The following FMN2 variants were observed in gnomAD, a reference collection of about 807,000 sequenced individuals.
The protein encoded by FMN2 is formin-2.
Under a neutral mutation model 142.3 loss-of-function variants are expected in FMN2, and 51 were observed. That is an observed-to-expected ratio of 0.36 (90% CI 0.29 to 0.45). The LOEUF (loss-of-function observed/expected upper bound fraction) is 0.45, where lower values mean the gene tolerates loss of function less well. Among genes scored for constraint, FMN2 ranks in the 20% least tolerant of loss-of-function variants. The probability of loss-of-function intolerance (pLI) is 1.00; values close to 1 mark genes in which losing one functional copy is unlikely to be tolerated. For synonymous variants in FMN2, 882 were observed against 869.8 expected, an observed-to-expected ratio of 1.01 and a Z score of -0.25; for missense variants, 1,936 against 2,122.8, an observed-to-expected ratio of 0.91 and a Z score of 1.73.
intron 6 of FMN2, among the ~76,000 whole-genome samples, chr1:240,225,424 AG>A (rs1345100987): frequency 7.9e-5 from 12 of 152,236 alleles, no homozygotes; most frequent in Non-Finnish European, 1.8e-4. Context: ...GGTGACCCAT[AG>A]GTAGCCAGGC....
chr1:240,350,436 C>T (rs909601966), intron 13 of FMN2, among the ~76,000 whole-genome samples: 1 of 152,200 alleles, frequency 6.6e-6, no homozygotes, highest in Admixed American at 6.5e-5. Context: ...ATTTCAGACA[C>T]TTGACACACA....
intron 15 of FMN2, among the ~76,000 whole-genome samples, chr1:240,406,840 A>G (rs1272610188): frequency 6.6e-6 from 1 of 152,194 alleles, no homozygotes; most frequent in Admixed American, 6.5e-5. Context: ...ATGGAACATT[A>G]ACTTTTTGGG....
chr1:240,446,187 G>T (rs1465997721), intron 16 of FMN2, among the ~76,000 whole-genome samples: 3 of 152,192 alleles, frequency 2.0e-5, no homozygotes, highest in Non-Finnish European at 2.9e-5. Flanking sequence ...GTGAAGATTA[G>T]CTGGGAAAGG....
At position 240,210,621 on chromosome 1, in the gene FMN2, C is replaced by A. The variant is rs1666653971; in HGVS notation, c.3921-470C>A. On this transcript the variant is annotated intron_variant, in intron 5 of 17. Coordinates refer to ENST00000319653, the MANE Select transcript of FMN2 (RefSeq NM_020066.5). ...ATGTGTTTACCCTTTTTAGGTGGTACTACACGAATCTGCAGTCACTGAGAA... is the reference window on the plus strand; with the variant it reads ...ATGTGTTTACCCTTTTTAGGTGGTAATACACGAATCTGCAGTCACTGAGAA... 2.0e-5 allele frequency among the ~76,000 whole-genome samples: 3 copies of A among 152,070 alleles called. No individual in the cohort carries two copies. In the South Asian group the frequency reaches 6.2e-4, roughly 32 times the overall value.
At chr1:240,209,604 C>G (rs115182409) in intron 5 of FMN2, among the ~76,000 whole-genome samples, 70 of 150,796 alleles carry the variant, frequency 4.6e-4, no homozygotes, top group African/African-American at 1.7e-3. Context: ...TTAGTGCACA[C>G]TTTAAAATGC....
intron 6 of FMN2, among the ~76,000 whole-genome samples, chr1:240,216,554 A>C (rs1356741880): frequency 6.6e-6 from 1 of 152,340 alleles, no homozygotes; most frequent in African/African-American, 2.4e-5. Context: ...AAATCTGATC[A>C]GAAAAAAAAT....
At chr1:240,209,171 A>G (rs1285645524) in intron 5 of FMN2, among the ~76,000 whole-genome samples, 1 of 152,168 alleles carries the variant, frequency 6.6e-6, no homozygotes, top group Non-Finnish European at 1.5e-5. Context: ...CCATGTAAGA[A>G]TCTACTCTTT....
chr1:240,427,589 A>G (rs1675002930), intron 15 of FMN2, among the ~76,000 whole-genome samples: 1 of 152,142 alleles, frequency 6.6e-6, no homozygotes, highest in Admixed American at 6.5e-5. Flanking sequence ...TATCTCTTAC[A>G]TTTTCACAAT....
intron 6 of FMN2, among the ~76,000 whole-genome samples, chr1:240,221,574 T>G (rs546223856): frequency 1.3e-5 from 2 of 151,818 alleles, no homozygotes; most frequent in East Asian, 1.9e-4. Flanking sequence ...TGTTTGTTTG[T>G]TTTTTTTCTT....
At chr1:240,235,620 T>C (rs906827221) in intron 6 of FMN2, among the ~76,000 whole-genome samples, 2 of 152,074 alleles carry the variant, frequency 1.3e-5, no homozygotes, top group African/African-American at 2.4e-5. Context: ...GGGTTCTCAC[T>C]ATGTTGCCCA....
intron 7 of FMN2, among the ~76,000 whole-genome samples, chr1:240,291,325 A>G (rs1399452968): frequency 6.9e-6 from 1 of 144,324 alleles, no homozygotes; most frequent in Non-Finnish European, 1.5e-5. Context: ...ATTGATTTAT[A>G]TATATTTTTG....
chr1:240,388,384 A>G (rs1019312748), intron 14 of FMN2, among the ~76,000 whole-genome samples: 4 of 152,116 alleles, frequency 2.6e-5, no homozygotes, highest in Non-Finnish European at 2.9e-5. Flanking sequence ...TTACAATTCA[A>G]ACCCAGGTTT....
At chr1:240,167,536 A>G (rs935238503) in intron 2 of FMN2, among the ~76,000 whole-genome samples, 1 of 152,144 alleles carries the variant, frequency 6.6e-6, no homozygotes, top group African/African-American at 2.4e-5. Flanking sequence ...GTCATTTTAC[A>G]TTTGTCATTT....
chr1:240,438,710 C>T (rs549772049), intron 16 of FMN2, among the ~76,000 whole-genome samples: 1 of 152,162 alleles, frequency 6.6e-6, no homozygotes, highest in East Asian at 1.9e-4. Flanking sequence ...TATGTGATAC[C>T]TTCTAAAATA....
intron 7 of FMN2, among the ~76,000 whole-genome samples, chr1:240,288,918 A>T (rs1669683803): frequency 6.6e-6 from 1 of 152,112 alleles, no homozygotes; most frequent in African/African-American, 2.4e-5. Context: ...GAGCCTTCAG[A>T]TGAGACCGTA....
chr1:240,262,116 A>G (rs1668654113), intron 7 of FMN2, among the ~76,000 whole-genome samples: 1 of 151,728 alleles, frequency 6.6e-6, no homozygotes, highest in Non-Finnish European at 1.5e-5. Context: ...TCTAGGGTAC[A>G]TGTGCACAAC....
chr1:240,092,628 A>G lies in FMN2; in HGVS notation c.519A>G (p.Gln173=). 6.2e-7 allele frequency: 1 copy of G among 1,614,038 alleles called. No homozygotes were observed. Among genetic ancestry groups the G allele is most frequent in the African/African-American group, 1.3e-5 (1 of 75,028 alleles). ...VETAAGAQDG[Q]RTSSGSDTDI... ...CTGCAGCAGGGGCGCAGGATGGACAAAGGACCAGCTCGGGCTCGGACACGG... is the reference window on the plus strand; with the variant it reads ...CTGCAGCAGGGGCGCAGGATGGACAGAGGACCAGCTCGGGCTCGGACACGG... Residue 173 remains glutamine, a synonymous_variant, in exon 1 of 18, where the codon CAA becomes CAG. Transcript: ENST00000319653.
intron 16 of FMN2, among the ~76,000 whole-genome samples, chr1:240,462,427 G>A (rs1414833269): frequency 6.6e-6 from 1 of 152,124 alleles, no homozygotes; most frequent in Non-Finnish European, 1.5e-5. Flanking sequence ...CAGCAAGTCA[G>A]TAAACTCAAA....
chr1:240,341,323 A>T (rs566266318), intron 13 of FMN2: 1 of 152,162 alleles, frequency 6.6e-6, no homozygotes, highest in East Asian at 1.9e-4. Flanking sequence ...TTCATCTTCC[A>T]CTCAGTGATT....
Sources: allele counts gnomAD v4.1 joint callset (sites outside exome capture counted in the v4.1 genomes callset), GRCh38; gene constraint gnomAD v4.1.1; transcripts MANE v1.5; gene names NCBI Gene and HGNC (gene_info 2026-07-23, HGNC 2026-07-21).